Variants in PALLD observed in about 807,000 individuals in gnomAD.
PALLD encodes the protein palladin.
In PALLD, 61 loss-of-function variants were observed where a neutral mutation model predicts 123.5. That is an observed-to-expected ratio of 0.49 (90% CI 0.40 to 0.61). PALLD has a LOEUF of 0.61. PALLD is among the 20% of genes least tolerant of loss of function. The pLI is 0.00. For missense variants in PALLD, 1,273 were observed against 1,377.0 expected (o/e 0.92, Z 1.20); for synonymous variants, 465 against 496.4 (o/e 0.94, Z 0.84).
intron 3 of PALLD, among the ~76,000 whole-genome samples, chr4:168,675,490 A>G (rs1318434993): frequency 1.3e-5 from 2 of 152,210 alleles, no homozygotes; most frequent in Admixed American, 6.5e-5. Flanking sequence ...CAGAGATTCC[A>G]TTCACTGGGT....
chr4:168,770,406 G>A (rs542491749), intron 10 of PALLD, among the ~76,000 whole-genome samples: 272 of 152,264 alleles, frequency 1.8e-3, no homozygotes, highest in Middle Eastern at 0.014. Context: ...AACTGCACCC[G>A]TGGGTAGCTC....
chr4:168,600,550 G>A (rs2053937608), intron 2 of PALLD, among the ~76,000 whole-genome samples: 1 of 151,998 alleles, frequency 6.6e-6, no homozygotes, highest in Admixed American at 6.6e-5. Flanking sequence ...TTAGCTTTTA[G>A]GTGAGGTCTT....
chr4:168,777,901 G>A (rs1464102874), intron 10 of PALLD, among the ~76,000 whole-genome samples: 4 of 152,162 alleles, frequency 2.6e-5, no homozygotes, highest in African/African-American at 9.7e-5. Context: ...AATTCAGGGA[G>A]CCAGCTGCCT....
chr4:168,626,371 A>G (rs546798843), intron 2 of PALLD, among the ~76,000 whole-genome samples: 1 of 140,876 alleles, frequency 7.1e-6, no homozygotes, highest in South Asian at 2.4e-4. Flanking sequence ...ACTGCACTCC[A>G]GCCTGGGCGA....
At chr4:168,918,221 A>C (rs2173810) in intron 17 of PALLD, among the ~76,000 whole-genome samples, 102,835 of 150,976 alleles carry the variant, frequency 0.68, 36,721 homozygotes, top group East Asian at 0.96. Flanking sequence ...AAATGAAATC[A>C]GTAGCAATAT....
intron 2 of PALLD, among the ~76,000 whole-genome samples, chr4:168,619,244 G>A (rs775986991): frequency 1.8e-4 from 27 of 152,220 alleles, no homozygotes; most frequent in Admixed American, 6.5e-4. Context: ...GCAACTTGGA[G>A]GATGGATAGG....
chr4:168,710,061 T>G (rs1470235794), intron 9 of PALLD, among the ~76,000 whole-genome samples: 2 of 152,164 alleles, frequency 1.3e-5, no homozygotes, highest in Non-Finnish European at 2.9e-5. Flanking sequence ...AAGATAAGCC[T>G]TCTTGTATAA....
chr4:168,562,912 G>A (rs553586295), intron 2 of PALLD, among the ~76,000 whole-genome samples: 1 of 152,296 alleles, frequency 6.6e-6, no homozygotes, highest in African/African-American at 2.4e-5. Context: ...GTAGAGAATG[G>A]ACTATATAGA....
chr4:168,670,756 CA>C (rs1297875131), intron 3 of PALLD, among the ~76,000 whole-genome samples: 1 of 70,304 alleles, frequency 1.4e-5, no homozygotes, highest in Admixed American at 1.4e-4. Flanking sequence ...ACAAAAAAAA[CA>C]AAAAAAACAA....
At position 168,608,836 on chromosome 4, in the gene PALLD, G is replaced by A. The variant is rs138974093; in HGVS notation, c.909-59354G>A. Among the ~76,000 whole-genome samples, 154 of 150,568 alleles carry A rather than the reference G, an allele frequency of 1.0e-3. No individual in the cohort carries two copies. In the East Asian group the frequency reaches 0.015, roughly 15 times the overall value. On this transcript the variant is annotated intron_variant, in intron 2 of 21. Coordinates refer to ENST00000505667, the MANE Select transcript of PALLD (RefSeq NM_001166108.2). ...TAGGATAATAGAAGATGAGGAAGGC[G>A]GAAAGCTATAACTATTTTTTTTTTT...
chr4:168,508,059 C>T (rs1422703216), intron 1 of PALLD, among the ~76,000 whole-genome samples: 1 of 152,216 alleles, frequency 6.6e-6, no homozygotes, highest in African/African-American at 2.4e-5. Flanking sequence ...GCTATCACAG[C>T]ACTTTGTTTT....
intron 10 of PALLD, among the ~76,000 whole-genome samples, chr4:168,781,849 T>C (rs1408448918): frequency 6.6e-6 from 1 of 151,994 alleles, no homozygotes; most frequent in Non-Finnish European, 1.5e-5. Context: ...TGAAAAGATG[T>C]GATGAAAAAG....
In PALLD at chr4:168,881,960, C is replaced by T. The variant is rs184117433; in HGVS notation, c.1965-8962C>T. On this transcript the variant is annotated intron_variant, in intron 10 of 21. Coordinates refer to ENST00000505667, the MANE Select transcript of PALLD (RefSeq NM_001166108.2). ...AATCAGATCAGACCCATCCCTGGAA[C>T]CAGACTGGCACTGTTTCTTTTGCCA... Among the ~76,000 whole-genome samples the T allele has an allele frequency of 2.6e-5, 4 of 152,286 alleles. No homozygotes were observed. The East Asian group carries it at 7.7e-4, about 29-fold the overall frequency.
chr4:168,722,179 G>A (rs1350410598), intron 10 of PALLD, among the ~76,000 whole-genome samples: 1 of 151,990 alleles, frequency 6.6e-6, no homozygotes, highest in African/African-American at 2.4e-5. Flanking sequence ...CAAGTAGCTG[G>A]GACTACAAGT....
At chr4:168,792,870 G>A (rs373837832) in intron 10 of PALLD, among the ~76,000 whole-genome samples, 10 of 151,028 alleles carry the variant, frequency 6.6e-5, no homozygotes, top group African/African-American at 9.7e-5. Flanking sequence ...GGGTTCAAGC[G>A]ATTCTTCTAC....
intron 3 of PALLD, among the ~76,000 whole-genome samples, chr4:168,680,712 A>G (rs894167647): frequency 2.6e-5 from 4 of 152,162 alleles, no homozygotes; most frequent in Non-Finnish European, 5.9e-5. Context: ...ACTTTGAACC[A>G]TTGCAATTTT....
intron 2 of PALLD, among the ~76,000 whole-genome samples, chr4:168,639,571 T>C (rs1441686892): frequency 6.9e-6 from 1 of 144,550 alleles, no homozygotes; most frequent in Non-Finnish European, 1.5e-5. Context: ...TGAGACGGAG[T>C]CTTGCTCTGT....
chr4:168,626,714 GA>G (rs767084915), intron 2 of PALLD, among the ~76,000 whole-genome samples: 3,066 of 100,320 alleles, frequency 0.031, 88 homozygotes, highest in South Asian at 0.14. Context: ...CTGCCTCCAG[GA>G]AAAAAAAAAA....
chr4:168,790,414 T>A (rs923247374), intron 10 of PALLD, among the ~76,000 whole-genome samples: 25 of 150,032 alleles, frequency 1.7e-4, no homozygotes, highest in African/African-American at 6.1e-4. Context: ...CCCACCTCAG[T>A]CTCCCAAAGT....
Sources: allele counts gnomAD v4.1 joint callset (sites outside exome capture counted in the v4.1 genomes callset), GRCh38; gene constraint gnomAD v4.1.1; transcripts MANE v1.5; gene names NCBI Gene and HGNC (gene_info 2026-07-23, HGNC 2026-07-21).